The following PHF14 variants were observed in gnomAD, a reference collection of about 807,000 sequenced individuals.
PHF14 encodes PHD finger protein 14.
In PHF14, 55 loss-of-function variants were observed where a neutral mutation model predicts 117.9. That is an observed-to-expected ratio of 0.47 (90% CI 0.38 to 0.58). The LOEUF (loss-of-function observed/expected upper bound fraction) is 0.58. PHF14 is among the 20% of genes least tolerant of loss of function. The pLI is 0.00. For missense variants in PHF14, 978 were observed against 1,122.2 expected (o/e 0.87, Z 1.84); for synonymous variants, 409 against 368.6 (o/e 1.11, Z -1.26).
intron 17 of PHF14, among the ~76,000 whole-genome samples, chr7:11,151,833 T>C (rs976995297): frequency 4.6e-5 from 7 of 152,150 alleles, no homozygotes; most frequent in African/African-American, 2.4e-5. Flanking sequence ...AGCCACTATA[T>C]GAGTGTATTT....
intron 16 of PHF14, chr7:11,062,607 T>C: frequency 6.5e-6 from 5 of 772,092 alleles, no homozygotes; most frequent in Non-Finnish European, 7.9e-6. Flanking sequence ...CCTAGGTTGA[T>C]TTTATTTTTT....
At position 11,035,765 on chromosome 7, in the gene PHF14, G is replaced by A; in HGVS notation, c.1581G>A (p.Lys527=). The part of the protein sequence containing the change: ...YCKMSLQERE[K]QLSPEAQARI... The stretch of plus-strand genomic sequence containing the variant: ...AAATGTCTTTGCAAGAGAGAGAGAA[G>A]CAACTATCACCAGAAGCACAGGTAT... Residue 527 remains lysine (K), a synonymous_variant, in exon 8 of 18, where the codon AAG becomes AAA. Coordinates refer to ENST00000634607, the MANE Select transcript of PHF14 (RefSeq NM_001007157.2). 1.2e-6 allele frequency: 2 copies of A among 1,606,390 alleles called. No homozygotes were observed. The highest frequency in any genetic ancestry group is 1.7e-6 in the Non-Finnish European group (2 of 1,176,018).
intron 16 of PHF14, among the ~76,000 whole-genome samples, chr7:11,090,600 T>C (rs375095035): frequency 3.7e-4 from 57 of 152,306 alleles, no homozygotes; most frequent in African/African-American, 1.3e-3. Flanking sequence ...GACTGAAGAT[T>C]TGACTTTTTC....
chr7:11,105,482 A>G (rs768081859), intron 16 of PHF14: 32 of 978,646 alleles, frequency 3.3e-5, no homozygotes, highest in Non-Finnish European at 3.9e-5. Flanking sequence ...TATTCAAGGA[A>G]TTCAGAAGGA....
At chr7:11,054,753 C>T (rs923702186) in intron 14 of PHF14, among the ~76,000 whole-genome samples, 2 of 152,084 alleles carry the variant, frequency 1.3e-5, no homozygotes, top group African/African-American at 4.8e-5. Context: ...CATTTTTAAA[C>T]TATTGCTCCC....
intron 3 of PHF14, 128 bp from the exon 4 acceptor site, chr7:10,990,572 AAAG>A: frequency 3.4e-6 from 2 of 592,606 alleles, no homozygotes; most frequent in Non-Finnish European, 5.8e-6. Context: ...GAAGTTAATA[AAAG>A]AATGGAAAAT....
intron 4 of PHF14, among the ~76,000 whole-genome samples, chr7:10,994,625 T>A (rs1206860560): frequency 2.6e-5 from 4 of 152,126 alleles, no homozygotes; most frequent in African/African-American, 9.7e-5. Context: ...AATTGGTGGG[T>A]TCTTGGTTTC....
At chr7:10,987,530 A>G (rs778819337) in intron 3 of PHF14, among the ~76,000 whole-genome samples, 7 of 152,230 alleles carry the variant, frequency 4.6e-5, no homozygotes, top group South Asian at 4.1e-4. Context: ...AAAGAATGCA[A>G]TAATTTACTA....
intron 17 of PHF14, among the ~76,000 whole-genome samples, chr7:11,115,654 C>T (rs1278400359): frequency 6.6e-6 from 1 of 151,880 alleles, no homozygotes; most frequent in African/African-American, 2.4e-5. Context: ...ACTGTCTGAT[C>T]CTCAGATTTC....
chr7:11,013,427 G>T (rs1370543080), intron 4 of PHF14, among the ~76,000 whole-genome samples: 1 of 152,092 alleles, frequency 6.6e-6, no homozygotes, highest in Non-Finnish European at 1.5e-5. Flanking sequence ...CTCCCAAAGT[G>T]CTGGGAATAC....
chr7:11,120,100 G>A (rs948544861), intron 17 of PHF14, among the ~76,000 whole-genome samples: 3 of 151,862 alleles, frequency 2.0e-5, no homozygotes, highest in Non-Finnish European at 2.9e-5. Context: ...ATAATTGGAT[G>A]CGTCGTATAG....
chr7:11,028,762 T>G lies in PHF14; in HGVS notation c.1399T>G (p.Phe467Val). The G allele has an allele frequency of 6.2e-7, 1 of 1,613,818 alleles. No homozygotes were observed. Among genetic ancestry groups the G allele is most frequent in the Non-Finnish European group, 8.5e-7 (1 of 1,179,766 alleles). The change falls in exon 7 of 18, where the codon TTC (phenylalanine) becomes GTC (valine). Residue 467 changes from phenylalanine (F) to valine (V), a missense_variant. By Grantham distance (50) the Phe-to-Val change is conservative. Transcript: ENST00000634607. ...TGATGCAGGGATGTGCAGAGCCTAT[T>G]TCCATGTGACCTGTGCTCAAAAGGA... is the stretch of plus-strand genomic sequence containing the variant. ...SCDAGMCRAY[F>V]HVTCAQKEGL... is the part of the protein sequence containing the mutation.
At chr7:11,047,794 A>G (rs1278923944) in intron 13 of PHF14, among the ~76,000 whole-genome samples, 5 of 140,842 alleles carry the variant, frequency 3.6e-5, no homozygotes, top group Non-Finnish European at 7.7e-5. Flanking sequence ...TCACAAAAAG[A>G]CAGAAGAAGA....
chr7:11,144,578 A>T (rs76777324), intron 17 of PHF14, among the ~76,000 whole-genome samples: 4 of 148,522 alleles, frequency 2.7e-5, no homozygotes, highest in African/African-American at 9.8e-5. Context: ...ATAATATATA[A>T]AATATAAATT....
Position 11,111,590 on chromosome 7 carries a change from A to G in PHF14, c.2772+123A>G, listed in dbSNP as rs1787448510. The stretch of plus-strand genomic sequence containing the variant: ...GAAGAACCAACATTTTAACCAGTAC[A>G]CCTTAAGAATATATTGCTATGGTTA... On this transcript the variant is annotated intron_variant, in intron 17 of 17. Transcript: ENST00000634607. 7.1e-6 allele frequency: 4 copies of G among 566,738 alleles called. No individual in the cohort carries two copies. The East Asian group carries it at 1.2e-4, about 17-fold the overall frequency. The allele number at this position is 566,738 out of a possible 1,614,324, so 35.1% of individuals were successfully genotyped here. A position where few individuals can be genotyped will look rare whatever the true frequency, so the allele number is the denominator to read the frequency against.
intron 17 of PHF14, among the ~76,000 whole-genome samples, chr7:11,157,749 CTG>C (rs551089619): frequency 6.6e-4 from 100 of 152,282 alleles, no homozygotes; most frequent in East Asian, 6.2e-3. Context: ...TACTGAATGA[CTG>C]TATGATTCTA....
At chr7:10,999,586 G>A (rs1782785547) in intron 4 of PHF14, among the ~76,000 whole-genome samples, 1 of 152,130 alleles carries the variant, frequency 6.6e-6, no homozygotes, top group Admixed American at 6.5e-5. Flanking sequence ...TTCTTTCCCA[G>A]TAGATTCATT....
chr7:11,132,405 C>A (rs1476146832), intron 17 of PHF14, among the ~76,000 whole-genome samples: 2 of 151,364 alleles, frequency 1.3e-5, no homozygotes, highest in East Asian at 3.9e-4. Flanking sequence ...CAGGTCCATC[C>A]ATGTTGTGGC....
chr7:11,028,642 T>C (rs1350088878), intron 6 of PHF14, 39 bp from the exon 7 acceptor site: 1 of 1,603,756 alleles, frequency 6.2e-7, no homozygotes, highest in Admixed American at 1.7e-5. Flanking sequence ...AGTCTGGAAA[T>C]AAGTTTGCTT....
Sources: gnomAD v4.1 joint callset for allele counts (sites outside exome capture counted in the v4.1 genomes callset) on GRCh38, gnomAD v4.1.1 for gene constraint, MANE v1.5 for transcripts, NCBI Gene and HGNC (gene_info 2026-07-23, HGNC 2026-07-21) for gene names.